The following FSTL5 variants were observed in gnomAD, a reference collection of about 807,000 sequenced individuals.
The protein encoded by FSTL5 is follistatin-related protein 5.
A neutral mutation model predicts 89.1 loss-of-function variants in FSTL5; 62 were observed. The ratio of observed to expected loss-of-function variants is 0.70; its 90% CI spans 0.57 to 0.86. FSTL5 has a LOEUF of 0.86. Ranked by LOEUF, FSTL5 falls within the 40% of genes least tolerant of loss-of-function variation. The pLI is 0.00. For missense variants in FSTL5, 1,057 were observed against 1,001.6 expected (o/e 1.06, Z -0.75); for synonymous variants, 383 against 346.2 (o/e 1.11, Z -1.18).
chr4:161,652,099 C>T (rs2126678631), intron 7 of FSTL5, among the ~76,000 whole-genome samples: 1 of 152,228 alleles, frequency 6.6e-6, no homozygotes, highest in East Asian at 1.9e-4. Flanking sequence ...CTTGATACCA[C>T]TTAGTTCAGT....
intron 2 of FSTL5, among the ~76,000 whole-genome samples, chr4:162,102,765 CAT>C (rs1401354254): frequency 7.0e-6 from 1 of 141,970 alleles, no homozygotes; most frequent in Non-Finnish European, 1.5e-5. Flanking sequence ...ATATGTATAA[CAT>C]ATTTATATAT....
At chr4:161,956,427 C>T (rs1205303188) in intron 3 of FSTL5, among the ~76,000 whole-genome samples, 3 of 151,716 alleles carry the variant, frequency 2.0e-5, no homozygotes, top group African/African-American at 7.3e-5. Context: ...AAAGTCTTAT[C>T]CAAAGCCTCA....
At chr4:162,161,273 G>C (rs1733685469) in intron 1 of FSTL5, among the ~76,000 whole-genome samples, 1 of 151,786 alleles carries the variant, frequency 6.6e-6, no homozygotes, top group Non-Finnish European at 1.5e-5. Context: ...GACTTAATAA[G>C]GGGCCACCAC....
intron 6 of FSTL5, among the ~76,000 whole-genome samples, chr4:161,741,622 A>G (rs541963252): frequency 6.6e-6 from 1 of 152,282 alleles, no homozygotes; most frequent in East Asian, 1.9e-4. Context: ...ATGAAGAATG[A>G]AGCAAAATAC....
At chr4:161,729,173 G>C (rs985118260) in intron 6 of FSTL5, among the ~76,000 whole-genome samples, 6 of 152,088 alleles carry the variant, frequency 3.9e-5, no homozygotes, top group African/African-American at 1.2e-4. Context: ...AACCCTTACC[G>C]CCTCCCCTAC....
intron 7 of FSTL5, among the ~76,000 whole-genome samples, chr4:161,620,613 G>A (rs1735088259): frequency 1.3e-5 from 2 of 152,090 alleles, no homozygotes; most frequent in African/African-American, 4.8e-5. Context: ...CCGAGATCGC[G>A]CCATTGCACT....
chr4:161,431,995 T>C (rs1732395534), intron 15 of FSTL5, among the ~76,000 whole-genome samples: 1 of 151,996 alleles, frequency 6.6e-6, no homozygotes, highest in Non-Finnish European at 1.5e-5. Flanking sequence ...AAAAGAGAAA[T>C]AGACCCTAAT....
chr4:162,015,490 C>T (rs1736890562), intron 3 of FSTL5, among the ~76,000 whole-genome samples: 1 of 152,272 alleles, frequency 6.6e-6, no homozygotes, highest in South Asian at 2.1e-4. Flanking sequence ...CGTGCCATGC[C>T]ACACCACACG....
At chr4:161,975,841 C>T (rs1212276219) in intron 3 of FSTL5, among the ~76,000 whole-genome samples, 2 of 150,864 alleles carry the variant, frequency 1.3e-5, no homozygotes, top group Non-Finnish European at 1.5e-5. Context: ...GCAGGCTGGG[C>T]GCAGTGGCTC....
At position 161,683,875 on chromosome 4, in the gene FSTL5, T is replaced by C. The variant is rs557436950; in HGVS notation, c.728-27381A>G. Reference sequence around the variant, plus strand: ...AGCAAAATACACTGCACCCAATTTGTGGTCTTTTATCCCTCACCTCCTTCC... The same window carrying C: ...AGCAAAATACACTGCACCCAATTTGCGGTCTTTTATCCCTCACCTCCTTCC... On this transcript the variant is annotated intron_variant, in intron 6 of 15. Transcript: ENST00000306100. 2.0e-5 allele frequency among the ~76,000 whole-genome samples: 3 copies of C among 152,322 alleles called. No homozygotes were observed. The East Asian group carries it at 5.8e-4, about 29-fold the overall frequency.
chr4:161,779,764 T>C (rs1488326322), intron 4 of FSTL5, among the ~76,000 whole-genome samples: 1 of 14,964 alleles, frequency 6.7e-5, no homozygotes, highest in Non-Finnish European at 9.9e-5. Flanking sequence ...TAAAGTTATA[T>C]ATATATATAT....
chr4:162,009,760 A>G (rs1309484142), intron 3 of FSTL5, among the ~76,000 whole-genome samples: 3 of 152,096 alleles, frequency 2.0e-5, no homozygotes, highest in African/African-American at 7.2e-5. Flanking sequence ...GAATGCATAA[A>G]GATTTCAACA....
intron 6 of FSTL5, among the ~76,000 whole-genome samples, chr4:161,698,879 G>A (rs554743760): frequency 6.6e-6 from 1 of 152,256 alleles, no homozygotes; most frequent in Admixed American, 6.5e-5. Context: ...GAACCCGGGA[G>A]GCGGAGGTTG....
At chr4:161,880,093 T>C (rs1269817452) in intron 4 of FSTL5, among the ~76,000 whole-genome samples, 2 of 152,130 alleles carry the variant, frequency 1.3e-5, no homozygotes, top group East Asian at 3.9e-4. Flanking sequence ...ATTCACACTT[T>C]CCACGATTAA....
intron 1 of FSTL5, among the ~76,000 whole-genome samples, chr4:162,150,754 T>G (rs1364708367): frequency 6.6e-6 from 1 of 152,164 alleles, no homozygotes; most frequent in African/African-American, 2.4e-5. Flanking sequence ...ACAATACCTA[T>G]TCCTATTACT....
At chr4:161,435,298 G>A (rs550645274) in intron 15 of FSTL5, among the ~76,000 whole-genome samples, 5 of 152,172 alleles carry the variant, frequency 3.3e-5, no homozygotes, top group East Asian at 1.9e-4. Flanking sequence ...AGGTCATTAC[G>A]TTAAGTGAAA....
At chr4:161,912,152 G>T (rs1341802586) in intron 4 of FSTL5, among the ~76,000 whole-genome samples, 1 of 152,160 alleles carries the variant, frequency 6.6e-6, no homozygotes, top group East Asian at 1.9e-4. Flanking sequence ...TTTTTGAATA[G>T]AAATATAGAA....
At chr4:162,142,728 A>T (rs1347221730) in intron 1 of FSTL5, among the ~76,000 whole-genome samples, 2 of 152,200 alleles carry the variant, frequency 1.3e-5, no homozygotes, top group Non-Finnish European at 2.9e-5. Flanking sequence ...AATTTTTATG[A>T]AAGGTAAAAG....
intron 9 of FSTL5, among the ~76,000 whole-genome samples, chr4:161,539,042 G>A (rs577284548): frequency 6.6e-6 from 1 of 152,214 alleles, no homozygotes; most frequent in Admixed American, 6.5e-5. Flanking sequence ...CCAAAGGGCT[G>A]GCATTACAGG....
Sources: allele counts gnomAD v4.1 joint callset (sites outside exome capture counted in the v4.1 genomes callset), GRCh38; gene constraint gnomAD v4.1.1; transcripts MANE v1.5; gene names NCBI Gene and HGNC (gene_info 2026-07-23, HGNC 2026-07-21).